The following ANKRD13D variants were observed in gnomAD, a reference collection of about 807,000 sequenced individuals.
ANKRD13D encodes the protein ankyrin repeat domain 13D, also known as ankyrin repeat domain-containing protein 13D.
In ANKRD13D, 24 loss-of-function variants were observed where a neutral mutation model predicts 68.8. The ratio of observed to expected loss-of-function variants is 0.35; its 90% CI spans 0.25 to 0.49. ANKRD13D has a LOEUF of 0.49. ANKRD13D is among the 20% of genes least tolerant of loss of function. ANKRD13D has a pLI of 0.99. For synonymous variants in ANKRD13D, 331 were observed against 336.1 expected (o/e 0.98, Z 0.16); for missense variants, 735 against 832.1 (o/e 0.88, Z 1.44).
chr11:67,290,591 GC>G, intron 3 of ANKRD13D, 145 bp downstream of exon 3: 1 of 1,286,976 alleles, frequency 7.8e-7, no homozygotes, highest in South Asian at 1.5e-5. Context: ...CTTGACCCCA[GC>G]CCAGGGTCAC....
Position 67,302,428 on chromosome 11 carries a change from CCCCA to C in ANKRD13D, c.*97_*100del. ...CTGCTGCTGAGCTTGGGGCCTGGAGCCCCAGGAATGAGCAGGCAGGGGAGACTGA... is the reference window on the plus strand; with the variant it reads ...CTGCTGCTGAGCTTGGGGCCTGGAGCGGAATGAGCAGGCAGGGGAGACTGA... On this transcript the variant is annotated 3_prime_UTR_variant, in exon 15 of 15. Transcript: ENST00000511455. The C allele has an allele frequency of 2.1e-6, 3 of 1,417,376 alleles. No individual in the cohort carries two copies. In the South Asian group the frequency reaches 4.7e-5, roughly 22 times the overall value. 87.8% of individuals were successfully genotyped at this position (1,417,376 alleles called of 1,614,324 possible).
intron 6 of ANKRD13D, among the ~76,000 whole-genome samples, chr11:67,292,822 C>A (rs1860621711): frequency 6.6e-6 from 1 of 152,100 alleles, no homozygotes; most frequent in Non-Finnish European, 1.5e-5. Flanking sequence ...ACTTCTTATC[C>A]CCTCTCCCAG....
intron 6 of ANKRD13D, 172 bp from the exon 7 acceptor site, chr11:67,298,886 T>C: frequency 1.5e-6 from 1 of 653,634 alleles, no homozygotes; most frequent in Non-Finnish European, 2.8e-6. Flanking sequence ...CATGCTCAAG[T>C]GTCCCCCCCT....
intron 3 of ANKRD13D, chr11:67,290,770 C>T (rs957913756): frequency 7.2e-6 from 2 of 279,688 alleles, no homozygotes; most frequent in African/African-American, 4.3e-5. Flanking sequence ...ACTACGCACC[C>T]TTCTGGAAGC....
Position 67,289,556 on chromosome 11 carries a change from G to A in ANKRD13D, c.90+6G>A. On this transcript the variant is annotated splice_donor_region_variant and intron_variant, in intron 1 of 14. Coordinates refer to ENST00000511455, the MANE Select transcript of ANKRD13D (RefSeq NM_207354.3). ...CCGCACTGCACAGCCACCAGGTGAG[G>A]CCCCGCTGGGGCACCCGGCCCTTCC... is the stretch of plus-strand genomic sequence containing the variant. 6.6e-7 allele frequency: 1 copy of A among 1,520,884 alleles called. No homozygotes were observed. The highest frequency in any genetic ancestry group is 8.8e-7 in the Non-Finnish European group (1 of 1,142,376). The allele number at this position is 1,520,884 out of a possible 1,614,324, so 94.2% of individuals were successfully genotyped here.
At chr11:67,290,691 C>A in intron 3 of ANKRD13D, 1 of 494,458 alleles carries the variant, frequency 2.0e-6, no homozygotes, top group Non-Finnish European at 3.5e-6. Context: ...CTGAAGAATG[C>A]AGATTACCTG....
intron 6 of ANKRD13D, among the ~76,000 whole-genome samples, chr11:67,295,640 G>A (rs1860732189): frequency 6.6e-6 from 1 of 152,082 alleles, no homozygotes; most frequent in Non-Finnish European, 1.5e-5. Context: ...GGAGACTGAG[G>A]CACAAGAATT....
At chr11:67,290,758 C>G (rs1157822988) in intron 3 of ANKRD13D, 1 of 314,558 alleles carries the variant, frequency 3.2e-6, no homozygotes, top group Non-Finnish European at 6.1e-6. Flanking sequence ...GGAATACTTG[C>G]TACTACGCAC....
chr11:67,291,997 G>A lies in ANKRD13D; in HGVS notation c.548G>A (p.Gly183Glu). The part of the protein sequence containing the change: ...RSFIFKGQEA[G>E]ALVMEVDHDR... ...CACCCCTACCGGCCGGCAGAGGCAG[G>A]AGCCCTGGTGATGGAAGTGGACCAT... The change falls in exon 6 of 15, where the codon GGA becomes GAA. Residue 183 changes from glycine to glutamate, a missense_variant. Gly to Glu is a moderately conservative substitution (Grantham distance 98). Transcript: ENST00000511455. 1 of 1,580,830 alleles carries A rather than the reference G, an allele frequency of 6.3e-7. No homozygotes were observed. Among genetic ancestry groups the A allele is most frequent in the Non-Finnish European group, 8.6e-7 (1 of 1,158,054 alleles).
At chr11:67,293,357 G>A (rs1860652549) in intron 6 of ANKRD13D, among the ~76,000 whole-genome samples, 1 of 152,240 alleles carries the variant, frequency 6.6e-6, no homozygotes, top group Admixed American at 6.5e-5. Context: ...CCTAGTGGGT[G>A]AGAAGTGATA....
intron 6 of ANKRD13D, among the ~76,000 whole-genome samples, chr11:67,297,258 G>C (rs140448867): frequency 0.064 from 9,693 of 152,214 alleles, 1,032 homozygotes; most frequent in African/African-American, 0.22. Flanking sequence ...CGCCCAGGCT[G>C]GAGTGCAGTG....
chr11:67,298,905 A>T, intron 6 of ANKRD13D, 153 bp from the exon 7 acceptor site: 1 of 736,360 alleles, frequency 1.4e-6, no homozygotes. Flanking sequence ...CTGTCCAGGC[A>T]CCCTCTTCAG....
chr11:67,299,385 G>C lies in ANKRD13D; in HGVS notation c.799-145G>C. On this transcript the variant is annotated intron_variant, in intron 7 of 14. Transcript: ENST00000511455. This position sits in a 1 kb window ranked among gnomAD's most constrained non-coding sequence, Gnocchi z 6.2. The stretch of plus-strand genomic sequence containing the variant: ...GCATCTCCTCGTTGGTGACTTCCTG[G>C]GGTTCAGACCCTGCCACCTCCTCCA... 1 of 757,902 alleles carries C rather than the reference G, an allele frequency of 1.3e-6. No individual in the cohort carries two copies. The highest frequency in any genetic ancestry group is 1.8e-5 in the South Asian group (1 of 54,844). 46.9% of individuals were successfully genotyped at this position (757,902 alleles called of 1,614,324 possible).
At chr11:67,290,263 G>A (rs1471888748) in intron 2 of ANKRD13D, 50 bp downstream of exon 2, 3 of 1,545,652 alleles carry the variant, frequency 1.9e-6, no homozygotes, top group East Asian at 4.9e-5. Flanking sequence ...GCGGGGGGCA[G>A]TGAGCAGCCA....
chr11:67,295,603 G>C (rs1322326864), intron 6 of ANKRD13D, among the ~76,000 whole-genome samples: 2 of 152,110 alleles, frequency 1.3e-5, no homozygotes, highest in Admixed American at 6.6e-5. Context: ...AGGCATGGTG[G>C]TGGGCACCTG....
At chr11:67,295,285 C>T (rs574701421) in intron 6 of ANKRD13D, among the ~76,000 whole-genome samples, 36 of 151,834 alleles carry the variant, frequency 2.4e-4, no homozygotes, top group African/African-American at 7.0e-4. Context: ...GGCTTGGTGG[C>T]GGGCGCCTGT....
Position 67,297,069 on chromosome 11 carries a change from A to G in ANKRD13D, c.732-1989A>G, listed in dbSNP as rs143234444. ...CTATTTCATTAACCTTTACTGTAAT[A>G]TTTATTATTTCTTTCTGTTCTTTCT... On this transcript the variant is annotated intron_variant, in intron 6 of 14. Transcript: ENST00000511455. Among the ~76,000 whole-genome samples the G allele has an allele frequency of 7.8e-4, 118 of 151,978 alleles. 1 individual carries two copies. Among genetic ancestry groups the G allele is most frequent in the African/African-American group, 2.6e-3 (107 of 41,454 alleles).
At chr11:67,298,982 G>T (rs1013524677) in intron 6 of ANKRD13D, 76 bp from the exon 7 acceptor site, 1 of 1,529,156 alleles carries the variant, frequency 6.5e-7, no homozygotes, top group Non-Finnish European at 9.1e-7. Context: ...GCTGGCTGGA[G>T]GGGGCTTTGG....
chr11:67,299,313 G>C lies in ANKRD13D; in HGVS notation c.798+189G>C. 1 of 738,504 alleles carries C rather than the reference G, an allele frequency of 1.4e-6. No homozygotes were observed. The highest frequency in any genetic ancestry group is 2.2e-6 in the Non-Finnish European group (1 of 450,994). The allele number at this position is 738,504 out of a possible 1,614,324, so 45.7% of individuals were successfully genotyped here. A position where few individuals can be genotyped will look rare whatever the true frequency, so the allele number is the denominator to read the frequency against. ...CACCCACATCATGGGCCCCTACCCA[G>C]GGTACCGAGATCAAAAGAGGAGTGT... On this transcript the variant is annotated intron_variant, in intron 7 of 14. Coordinates refer to ENST00000511455, the MANE Select transcript of ANKRD13D (RefSeq NM_207354.3). This position sits in a 1 kb window ranked among gnomAD's most constrained non-coding sequence, Gnocchi z 6.2.
Sources: allele counts gnomAD v4.1 joint callset (sites outside exome capture counted in the v4.1 genomes callset), GRCh38; gene constraint gnomAD v4.1.1; non-coding constraint Gnocchi (gnomAD v3.1); transcripts MANE v1.5; gene names NCBI Gene and HGNC (gene_info 2026-07-23, HGNC 2026-07-21).